The following PHLPP1 variants were observed in gnomAD, a reference collection of about 807,000 sequenced individuals.
PHLPP1 encodes PH domain and leucine rich repeat protein phosphatase 1.
A neutral mutation model predicts 117.2 loss-of-function variants in PHLPP1; 42 were observed. The ratio of observed to expected loss-of-function variants is 0.36; its 90% CI spans 0.28 to 0.46. The LOEUF (loss-of-function observed/expected upper bound fraction) is 0.46, where lower values mean the gene tolerates loss of function less well. PHLPP1 is among the 20% of genes least tolerant of loss of function. The pLI, the probability that PHLPP1 is intolerant of heterozygous loss-of-function variation, is 1.00. For missense variants in PHLPP1, 2,084 were observed against 2,241.9 expected (o/e 0.93, Z 1.42); for synonymous variants, 1,042 against 970.7 (o/e 1.07, Z -1.37).
rs1910698648 is a variant in PHLPP1 at position 62,715,752 on chromosome 18, T to C, written c.69T>C (p.Ala23=). The change falls in exon 1 of 17, where the codon GCT becomes GCC. Residue 23 remains alanine (A), a synonymous_variant. Transcript: ENST00000262719. The part of the protein sequence containing the change: ...PELGREDRAS[A]PAAAAAAAAA... ...TCGGCAGGGAGGACCGAGCTTCGGC[T>C]CCGGCGGCCGCCGCTGCGGCAGCAG... is the stretch of plus-strand genomic sequence containing the variant. 3 of 1,107,180 alleles carry C rather than the reference T, an allele frequency of 2.7e-6. No individual in the cohort carries two copies. The highest frequency in any genetic ancestry group is 1.0e-4 in the Admixed American group (2 of 19,778). 68.6% of individuals were successfully genotyped at this position (1,107,180 alleles called of 1,614,324 possible). A position where few individuals can be genotyped will look rare whatever the true frequency, so the allele number is the denominator to read the frequency against.
At chr18:62,854,277 C>T (rs1324386123) in intron 3 of PHLPP1, among the ~76,000 whole-genome samples, 1 of 152,238 alleles carries the variant, frequency 6.6e-6, no homozygotes, top group East Asian at 1.9e-4. Flanking sequence ...GCCTGTTTCA[C>T]TTCCCAAATA....
At chr18:62,888,286 AATGTGT>A (rs1916328810) in intron 4 of PHLPP1, among the ~76,000 whole-genome samples, 1 of 122,452 alleles carries the variant, frequency 8.2e-6, no homozygotes, top group Non-Finnish European at 1.7e-5. Context: ...TATTTCACAA[AATGTGT>A]GTGTGTGTGT....
intron 1 of PHLPP1, among the ~76,000 whole-genome samples, chr18:62,765,883 A>C (rs1281495525): frequency 6.7e-6 from 1 of 150,240 alleles, no homozygotes; most frequent in East Asian, 2.0e-4. Context: ...CTGTAGTCCC[A>C]GCTACTCGGG....
In PHLPP1 at chr18:62,716,992, G is replaced by A. The variant is rs1568091953; in HGVS notation, c.1309G>A (p.Glu437Lys). 3.9e-6 allele frequency: 6 copies of A among 1,542,708 alleles called. No homozygotes were observed. The Admixed American group carries it at 5.9e-5, about 15-fold the overall frequency. Residue 437 changes from glutamate (E) to lysine (K), a missense_variant, in exon 1 of 17, where the codon GAG becomes AAG. This residue lies in a region of PHLPP1 where 719 missense variants were observed against 636.0 expected (regional missense o/e 1.13). Coordinates refer to ENST00000262719, the MANE Select transcript of PHLPP1 (RefSeq NM_194449.4). The surrounding 1 kb of genome is among the most constrained non-coding windows in gnomAD (Gnocchi z 5.7). ...GGCCGTCCGCGAGGGGTCGTGCGAG[G>A]AGAAGGCAGCGGCAGCCGTGGCCCC... ...GGAVREGSCEEKAAAAVAPGG... is the reference protein window; with the variant it reads ...GGAVREGSCEKKAAAAVAPGG...
At chr18:62,816,777 A>G (rs1281337280) in intron 1 of PHLPP1, among the ~76,000 whole-genome samples, 1 of 152,060 alleles carries the variant, frequency 6.6e-6, no homozygotes, top group Non-Finnish European at 1.5e-5. Flanking sequence ...TTGCCTGTTT[A>G]TATATCTTTA....
chr18:62,860,097 C>T lies in PHLPP1; in HGVS notation c.1900-338C>T, dbSNP rs370692896. 1.1e-4 allele frequency among the ~76,000 whole-genome samples: 16 copies of T among 152,104 alleles called. No homozygotes were observed. The East Asian group carries it at 1.4e-3, about 13-fold the overall frequency. The stretch of plus-strand genomic sequence containing the variant: ...AAACCTGTGTAGCATGTTACTGTAC[C>T]GAATACTGTGGGCAGTTGTAACAAA... On this transcript the variant is annotated intron_variant, in intron 3 of 16. Coordinates refer to ENST00000262719, the MANE Select transcript of PHLPP1 (RefSeq NM_194449.4).
chr18:62,893,699 A>G (rs531934642), intron 4 of PHLPP1, among the ~76,000 whole-genome samples: 117 of 152,318 alleles, frequency 7.7e-4, no homozygotes, highest in African/African-American at 2.7e-3. Context: ...CGGTTTTTAA[A>G]GGAGTTAGCA....
At chr18:62,730,826 G>A (rs957042629) in intron 1 of PHLPP1, among the ~76,000 whole-genome samples, 4 of 151,138 alleles carry the variant, frequency 2.6e-5, no homozygotes, top group African/African-American at 4.9e-5. Context: ...GAAGAACTTT[G>A]TGAGATTCAG....
At chr18:62,793,404 A>G (rs1160409596) in intron 1 of PHLPP1, among the ~76,000 whole-genome samples, 1 of 152,118 alleles carries the variant, frequency 6.6e-6, no homozygotes, top group Non-Finnish European at 1.5e-5. Flanking sequence ...GCCTGTTTGA[A>G]CCATTTCATT....
intron 1 of PHLPP1, among the ~76,000 whole-genome samples, chr18:62,749,379 ATG>A (rs2062446256): frequency 6.6e-6 from 1 of 152,210 alleles, no homozygotes; most frequent in South Asian, 2.1e-4. Flanking sequence ...GGGAGAAAGT[ATG>A]TATTTCTAGA....
chr18:62,834,296 AC>A (rs942587538), intron 2 of PHLPP1, among the ~76,000 whole-genome samples: 2 of 152,258 alleles, frequency 1.3e-5, no homozygotes, highest in African/African-American at 2.4e-5. Context: ...AGAACTAGTC[AC>A]ATCGCTCCAC....
At chr18:62,734,349 C>T (rs1338272329) in intron 1 of PHLPP1, among the ~76,000 whole-genome samples, 2 of 152,100 alleles carry the variant, frequency 1.3e-5, no homozygotes, top group African/African-American at 4.8e-5. Flanking sequence ...TTTAAAAAAA[C>T]CTCTCGTCTA....
At chr18:62,822,634 A>G (rs1914501649) in intron 1 of PHLPP1, among the ~76,000 whole-genome samples, 1 of 152,156 alleles carries the variant, frequency 6.6e-6, no homozygotes, top group Non-Finnish European at 1.5e-5. Flanking sequence ...CCTTAAGATC[A>G]GGAAAAAGGA....
chr18:62,716,228 G>A lies in PHLPP1; in HGVS notation c.545G>A (p.Arg182Gln). The A allele has an allele frequency of 6.5e-7, 1 of 1,528,668 alleles. No homozygotes were observed. Among genetic ancestry groups the A allele is most frequent in the East Asian group, 2.5e-5 (1 of 40,356 alleles). The allele number at this position is 1,528,668 out of a possible 1,614,324, so 94.7% of individuals were successfully genotyped here. ...AGGAAGACGCTGCTTCTGAAGCACCGGCAGACGCTGCAGCTGCAGCCGTCG... is the reference window on the plus strand; with the variant it reads ...AGGAAGACGCTGCTTCTGAAGCACCAGCAGACGCTGCAGCTGCAGCCGTCG... ...LDRKTLLLKH[R>Q]QTLQLQPSDR... The change falls in exon 1 of 17, where the codon CGG becomes CAG. Residue 182 changes from arginine to glutamine, a missense_variant. Around this residue, in one of 2 missense-constraint regions of PHLPP1, gnomAD observed 719 missense variants for 636.0 expected, o/e 1.13. Coordinates refer to ENST00000262719, the MANE Select transcript of PHLPP1 (RefSeq NM_194449.4). This position sits in a 1 kb window ranked among gnomAD's most constrained non-coding sequence, Gnocchi z 5.7.
At chr18:62,929,984 G>A (rs1029078856) in intron 10 of PHLPP1, among the ~76,000 whole-genome samples, 3 of 152,020 alleles carry the variant, frequency 2.0e-5, no homozygotes, top group African/African-American at 7.2e-5. Flanking sequence ...CTTAGAAATG[G>A]GAAGAGAGAA....
At chr18:62,759,177 A>G (rs1206638089) in intron 1 of PHLPP1, among the ~76,000 whole-genome samples, 2 of 152,210 alleles carry the variant, frequency 1.3e-5, no homozygotes, top group African/African-American at 4.8e-5. Context: ...CATGCCTATA[A>G]TGGTATGGAG....
chr18:62,926,511 G>A (rs1008844356), intron 10 of PHLPP1, among the ~76,000 whole-genome samples: 1 of 152,132 alleles, frequency 6.6e-6, no homozygotes, highest in Non-Finnish European at 1.5e-5. Flanking sequence ...CTCCTAAAAT[G>A]GATGAGATGG....
chr18:62,902,215 C>T (rs1343718666), intron 6 of PHLPP1, among the ~76,000 whole-genome samples: 1 of 152,166 alleles, frequency 6.6e-6, no homozygotes, highest in Admixed American at 6.5e-5. Context: ...TCCCCTGTGC[C>T]TTGCTTCATC....
intron 1 of PHLPP1, among the ~76,000 whole-genome samples, chr18:62,812,403 A>G (rs1446751172): frequency 1.3e-5 from 2 of 152,314 alleles, no homozygotes; most frequent in East Asian, 3.9e-4. Flanking sequence ...TTCCACACAC[A>G]CAGCAGTGTG....
Sources: allele counts gnomAD v4.1 joint callset (sites outside exome capture counted in the v4.1 genomes callset), GRCh38; gene constraint gnomAD v4.1.1; regional missense constraint gnomAD v4.1.1; non-coding constraint Gnocchi (gnomAD v3.1); transcripts MANE v1.5; gene names NCBI Gene and HGNC (gene_info 2026-07-23, HGNC 2026-07-21).